NCBP2L: variants seen among roughly 807,000 people sequenced by gnomAD.
The protein encoded by NCBP2L is nuclear cap-binding protein subunit 2-like.
For missense variants in NCBP2L, 95 were observed against 53.1 expected, an observed-to-expected ratio of 1.79 and a Z score of -2.45; for synonymous variants, 39 against 19.2, an observed-to-expected ratio of 2.04 and a Z score of -2.70.
At chrX:107,791,851 T>C (rs904812526) in intron 1 of NCBP2L, among the ~76,000 whole-genome samples, 2 of 112,152 alleles carry the variant, frequency 1.8e-5, no homozygotes, top group South Asian at 7.5e-4. Context: ...AAATCAGTAT[T>C]GTTAAGTGCC....
intron 1 of NCBP2L, among the ~76,000 whole-genome samples, chrX:107,782,326 A>AAT (rs1180031071): frequency 3.3e-4 from 10 of 30,514 alleles, no homozygotes; most frequent in African/African-American, 5.3e-4. Context: ...TATATATATA[A>AAT]ATATATATAT....
At chrX:107,778,691 C>T (rs894667286) in intron 1 of NCBP2L, among the ~76,000 whole-genome samples, 3 of 112,083 alleles carry the variant, frequency 2.7e-5, no homozygotes, top group Admixed American at 9.5e-5. Flanking sequence ...CCCCCACTTC[C>T]AGACAGAGCT....
intron 1 of NCBP2L, among the ~76,000 whole-genome samples, chrX:107,788,664 T>C (rs1342669617): frequency 8.9e-6 from 1 of 112,586 alleles, no homozygotes; most frequent in Non-Finnish European, 1.9e-5. Flanking sequence ...CTTGTGATGG[T>C]CTGATGCAAT....
intron 1 of NCBP2L, among the ~76,000 whole-genome samples, chrX:107,786,329 C>A (rs1482657967): frequency 1.8e-5 from 2 of 111,991 alleles, no homozygotes; most frequent in Non-Finnish European, 3.8e-5. Context: ...ATTTCCAGAC[C>A]AGCCCACAAA....
intron 1 of NCBP2L, among the ~76,000 whole-genome samples, chrX:107,780,452 G>A (rs1321880392): frequency 1.8e-5 from 2 of 110,582 alleles, no homozygotes; most frequent in East Asian, 5.7e-4. Context: ...TCACAAGCCT[G>A]TGAGGCAGCC....
chrX:107,781,651 C>CTATCATCTATCT (rs1405952181), intron 1 of NCBP2L, among the ~76,000 whole-genome samples: 9 of 65,208 alleles, frequency 1.4e-4, no homozygotes, highest in African/African-American at 4.2e-4. Context: ...ATCTATCTAT[C>CTATCATCTATCT]ATCTATCTAT....
intron 1 of NCBP2L, among the ~76,000 whole-genome samples, chrX:107,780,122 C>T (rs1250939828): frequency 2.7e-5 from 3 of 110,891 alleles, no homozygotes; most frequent in Non-Finnish European, 5.7e-5. Context: ...TTTGAGAGGC[C>T]GGGGTGGGCG....
intron 1 of NCBP2L, among the ~76,000 whole-genome samples, chrX:107,780,629 CTTT>C (rs984996831): frequency 3.5e-5 from 3 of 85,512 alleles, no homozygotes; most frequent in East Asian, 3.5e-4. Flanking sequence ...GGGAAGTTCA[CTTT>C]TTTTTTTTTT....
intron 1 of NCBP2L, among the ~76,000 whole-genome samples, chrX:107,789,360 A>G (rs997379444): frequency 9.1e-6 from 1 of 109,766 alleles, no homozygotes; most frequent in Non-Finnish European, 1.9e-5. Context: ...GCTGCTTCCC[A>G]TCAACCTTCA....
In NCBP2L at chrX:107,794,655, A is replaced by T. The variant is rs1198308805; in HGVS notation, c.435A>T (p.Gly145=). The change falls in exon 2 of 2, where the codon GGA becomes GGT. Residue 145 remains glycine, a synonymous_variant. Coordinates refer to ENST00000509000, the MANE Select transcript of NCBP2L (RefSeq NM_001348372.2). ...GTGAAGATTTTCATTCTGGTAGAGG[A>T]GGCTTTGGAAGACAGACTCAGATCT... The part of the protein sequence containing the change: ...EFREDFHSGR[G]GFGRQTQI 1.8e-6 allele frequency: 1 copy of T among 567,186 alleles called. No homozygotes were observed. The highest frequency in any genetic ancestry group is 3.2e-6 in the Non-Finnish European group (1 of 308,735). 46.7% of individuals were successfully genotyped at this position (567,186 alleles called of 1,213,427 possible). A position where few individuals can be genotyped will look rare whatever the true frequency, so the allele number is the denominator to read the frequency against.
chrX:107,778,261 T>C (rs1323508695), intron 1 of NCBP2L, among the ~76,000 whole-genome samples: 1 of 112,259 alleles, frequency 8.9e-6, no homozygotes, highest in Non-Finnish European at 1.9e-5. Context: ...TGAGTCCTTT[T>C]ATCTTTGTGC....
intron 1 of NCBP2L, among the ~76,000 whole-genome samples, chrX:107,781,710 A>C (rs1930284237): frequency 2.4e-5 from 2 of 83,616 alleles, no homozygotes; most frequent in Non-Finnish European, 4.3e-5. Flanking sequence ...ATATATATAT[A>C]GATCTATAGA....
At chrX:107,781,676 A>ATCTATCTATCTCTCTCTCTC (rs1380779020) in intron 1 of NCBP2L, among the ~76,000 whole-genome samples, 16 of 55,881 alleles carry the variant, frequency 2.9e-4, no homozygotes, top group African/African-American at 1.8e-3. Flanking sequence ...CTATCTATCT[A>ATCTATCTATCTCTCTCTCTC]TCTCTCTCTC....
At chrX:107,786,072 A>T (rs1032602458) in intron 1 of NCBP2L, among the ~76,000 whole-genome samples, 8 of 111,399 alleles carry the variant, frequency 7.2e-5, no homozygotes, top group African/African-American at 2.6e-4. Context: ...AAATCTTGAT[A>T]CTGTGCACGC....
chrX:107,791,895 G>A (rs1000439262), intron 1 of NCBP2L, among the ~76,000 whole-genome samples: 3 of 112,073 alleles, frequency 2.7e-5, no homozygotes, highest in Non-Finnish European at 5.6e-5. Context: ...AAATGGTGAA[G>A]TTGAGATTTG....
chrX:107,793,313 C>T (rs1423697390), intron 1 of NCBP2L, among the ~76,000 whole-genome samples: 1 of 110,988 alleles, frequency 9.0e-6, no homozygotes, highest in Non-Finnish European at 1.9e-5. Flanking sequence ...GTATTTTAAT[C>T]TCGTTTTGCG....
intron 1 of NCBP2L, among the ~76,000 whole-genome samples, chrX:107,784,807 C>CAAAA (rs10550955): frequency 4.9e-5 from 2 of 41,079 alleles, no homozygotes; most frequent in Non-Finnish European, 1.0e-4. Flanking sequence ...CCCATCTCCA[C>CAAAA]AAAAAAAAAA....
chrX:107,777,976 T>G (rs1184459249), intron 1 of NCBP2L, 118 bp downstream of exon 1: 1 of 108,825 alleles, frequency 9.2e-6, no homozygotes, highest in African/African-American at 3.4e-5. Context: ...AAGCAAACCC[T>G]TTAGATGTAT....
chrX:107,778,600 G>C (rs1488398146), intron 1 of NCBP2L, among the ~76,000 whole-genome samples: 2 of 112,587 alleles, frequency 1.8e-5, no homozygotes, highest in African/African-American at 6.5e-5. Flanking sequence ...GTGAAGCCTT[G>C]CTTTGCTGAC....
Sources: gnomAD v4.1 joint callset for allele counts (sites outside exome capture counted in the v4.1 genomes callset) on GRCh38, gnomAD v4.1.1 for gene constraint, MANE v1.5 for transcripts, NCBI Gene and HGNC (gene_info 2026-07-23, HGNC 2026-07-21) for gene names.